Variants in COL3A1 observed in about 807,000 individuals in gnomAD.
COL3A1 encodes the protein collagen alpha-1(III) chain.
Under a neutral mutation model 200.9 loss-of-function variants are expected in COL3A1, and 46 were observed. That is an observed-to-expected ratio of 0.23 (90% CI 0.18 to 0.29). COL3A1 has a LOEUF of 0.29. Among genes scored for constraint, COL3A1 ranks in the 10% least tolerant of loss-of-function variants. The probability of loss-of-function intolerance (pLI) is 1.00; values close to 1 mark genes in which losing one functional copy is unlikely to be tolerated. For synonymous variants in COL3A1, 650 were observed against 628.0 expected, an observed-to-expected ratio of 1.03 and a Z score of -0.52; for missense variants, 1,367 against 1,917.6, an observed-to-expected ratio of 0.71 and a Z score of 5.36.
At chr2:188,995,922 C>A (rs1016790319) in intron 22 of COL3A1, 132 bp downstream of exon 22, 19 of 984,372 alleles carry the variant, frequency 1.9e-5, no homozygotes, top group East Asian at 5.2e-5. Flanking sequence ...AAACAAAATT[C>A]TTTTAAGTAA....
At chr2:188,975,611 T>C (rs1687792320) in intron 1 of COL3A1, among the ~76,000 whole-genome samples, 1 of 152,186 alleles carries the variant, frequency 6.6e-6, no homozygotes, top group South Asian at 2.1e-4. Context: ...CAAAGGACAC[T>C]GCATGAAAAT....
At chr2:188,992,136 C>G in intron 13 of COL3A1, 48 bp from the exon 14 acceptor site, 1 of 1,592,284 alleles carries the variant, frequency 6.3e-7, no homozygotes, top group Non-Finnish European at 8.6e-7. Context: ...TACTCATGAC[C>G]AGCCATTCAG....
intron 35 of COL3A1, among the ~76,000 whole-genome samples, chr2:189,002,671 C>G (rs751586640): frequency 9.2e-5 from 14 of 152,084 alleles, no homozygotes; most frequent in Non-Finnish European, 2.1e-4. Flanking sequence ...CGGTCTTTCT[C>G]AAAAAAATTT....
rs1273998782 is a variant in COL3A1 at position 189,003,717 on chromosome 2, A to G, written c.2608-17A>G. 2 of 1,613,866 alleles carry G rather than the reference A, an allele frequency of 1.2e-6. No homozygotes were observed. Among genetic ancestry groups the G allele is most frequent in the East Asian group, 2.2e-5 (1 of 44,870 alleles). On this transcript the variant is annotated splice_polypyrimidine_tract_variant and intron_variant, in intron 37 of 50. Transcript: ENST00000304636. ...TGTTCTACTTTTGAAATTCAAAAAT[A>G]TATTACCATTTCACAGGGTGCTGCT...
At chr2:188,982,435 G>T (rs774516264) in intron 1 of COL3A1, among the ~76,000 whole-genome samples, 3 of 151,730 alleles carry the variant, frequency 2.0e-5, no homozygotes, top group Non-Finnish European at 4.4e-5. Context: ...ATAGGAGGAT[G>T]AATACACAGG....
In COL3A1 at chr2:188,996,508, C is replaced by A; in HGVS notation, c.1761+12C>A. ...CTAAAGGAAATGATGTGAGTTCCTT[C>A]ATTAATTTCTTCAATAAATATTTGA... On this transcript the variant is annotated intron_variant, in intron 24 of 50. Coordinates refer to ENST00000304636, the MANE Select transcript of COL3A1 (RefSeq NM_000090.4). 1.2e-6 allele frequency: 2 copies of A among 1,601,120 alleles called. No individual in the cohort carries two copies. Among genetic ancestry groups the A allele is most frequent in the Non-Finnish European group, 1.7e-6 (2 of 1,168,716 alleles).
At position 188,994,320 on chromosome 2, in the gene COL3A1, G is replaced by T. The variant is rs750476636; in HGVS notation, c.1281G>T (p.Leu427=). ...CCGGTGCTAATGGTGCTCCTGGACT[G>T]CGAGGTGGTGCAGTAAGTTGCCTTG... ...GPAGANGAPG[L]RGGAGEPGKN... Residue 427 remains leucine, a synonymous_variant, in exon 18 of 51, where the codon CTG becomes CTT. Coordinates refer to ENST00000304636, the MANE Select transcript of COL3A1 (RefSeq NM_000090.4). This position sits in a 1 kb window ranked among gnomAD's most constrained non-coding sequence, Gnocchi z 4.5. The T allele has an allele frequency of 6.2e-7, 1 of 1,613,644 alleles. No homozygotes were observed. The highest frequency in any genetic ancestry group is 1.1e-5 in the South Asian group (1 of 91,048).
intron 46 of COL3A1, 45 bp downstream of exon 46, chr2:189,007,983 T>C (rs1688633110): frequency 1.2e-6 from 2 of 1,614,062 alleles, no homozygotes; most frequent in East Asian, 4.5e-5. Flanking sequence ...GTTTCAGATG[T>C]CTGCATTTCA....
Position 188,985,018 on chromosome 2 carries a change from G to T in COL3A1, c.282+56G>T. The T allele has an allele frequency of 4.6e-6, 7 of 1,515,348 alleles. No homozygotes were observed. In the South Asian group the frequency reaches 6.8e-5, roughly 15 times the overall value. The allele number at this position is 1,515,348 out of a possible 1,614,324, so 93.9% of individuals were successfully genotyped here. A position where few individuals can be genotyped will look rare whatever the true frequency, so the allele number is the denominator to read the frequency against. ...ATATTCATATTTAGACACATGAATA[G>T]CTCCTATATCATAGGAGCCTAAAAG... is the stretch of plus-strand genomic sequence containing the variant. On this transcript the variant is annotated intron_variant, in intron 2 of 50. Transcript: ENST00000304636.
chr2:189,008,713 A>C (rs560420528), intron 47 of COL3A1: 25 of 612,470 alleles, frequency 4.1e-5, no homozygotes, highest in South Asian at 3.2e-4. Context: ...ATTCTTACAT[A>C]GTGGAACAAT....
rs369483870 is a variant in COL3A1 at position 188,992,869 on chromosome 2, T to G, written c.997-18T>G. The G allele has an allele frequency of 1.9e-6, 3 of 1,612,692 alleles. No homozygotes were observed. In the Middle Eastern group the frequency reaches 5.0e-4, roughly 266 times the overall value. On this transcript the variant is annotated intron_variant, in intron 14 of 50. Transcript: ENST00000304636. Reference sequence around the variant, plus strand: ...TTAGTTGAAAAAGAGCTCTTGAAATTGTATTTAATTTTTTCAGGGCCCTCC... The same window carrying G: ...TTAGTTGAAAAAGAGCTCTTGAAATGGTATTTAATTTTTTCAGGGCCCTCC...
At chr2:188,983,541 G>A (rs1321361775) in intron 1 of COL3A1, among the ~76,000 whole-genome samples, 1 of 151,834 alleles carries the variant, frequency 6.6e-6, no homozygotes, top group African/African-American at 2.4e-5. Flanking sequence ...ACGGGACCTC[G>A]AAAAGGTGAT....
chr2:189,011,927 A>G lies in COL3A1; in HGVS notation c.*153A>G. 4 of 805,380 alleles carry G rather than the reference A, an allele frequency of 5.0e-6. No individual in the cohort carries two copies. Among genetic ancestry groups the G allele is most frequent in the Non-Finnish European group, 7.9e-6 (4 of 508,386 alleles). The allele number at this position is 805,380 out of a possible 1,614,324, so 49.9% of individuals were successfully genotyped here. ...CAGTATAATTTGACAAAGAAAAATG[A>G]TACTTCTCTTTTTTTGCTGTTCCAC... On this transcript the variant is annotated 3_prime_UTR_variant, in exon 51 of 51. Coordinates refer to ENST00000304636, the MANE Select transcript of COL3A1 (RefSeq NM_000090.4).
chr2:188,988,044 T>G (rs775673845), intron 5 of COL3A1, 37 bp from the exon 6 acceptor site: 2 of 1,495,782 alleles, frequency 1.3e-6, no homozygotes, highest in Non-Finnish European at 1.9e-6. Flanking sequence ...TATTTTGCAT[T>G]CATTTATTTT....
At chr2:188,987,663 A>G (rs1688092089) in intron 5 of COL3A1, among the ~76,000 whole-genome samples, 1 of 152,098 alleles carries the variant, frequency 6.6e-6, no homozygotes, top group Non-Finnish European at 1.5e-5. Flanking sequence ...TTACATTATT[A>G]TTTTAGATAC....
intron 37 of COL3A1, 22 bp from the exon 38 acceptor site, chr2:189,003,712 A>G (rs1223887404): frequency 1.2e-6 from 2 of 1,613,802 alleles, no homozygotes; most frequent in Non-Finnish European, 8.5e-7. Context: ...TTGAAATTCA[A>G]AAATATATTA....
intron 44 of COL3A1, 150 bp downstream of exon 44, chr2:189,007,140 TTTG>T (rs1688609214): frequency 5.6e-6 from 1 of 178,374 alleles, no homozygotes; most frequent in African/African-American, 3.0e-5. Flanking sequence ...TATATATATA[TTTG>T]TTCTATCTAT....
At chr2:188,998,799 C>CA in intron 29 of COL3A1, 81 bp downstream of exon 29, 1 of 1,243,254 alleles carries the variant, frequency 8.0e-7, no homozygotes, top group Non-Finnish European at 1.2e-6. Context: ...TATATCAAGC[C>CA]AAAATACTCT....
At chr2:188,995,243 G>C (rs1413351250) in intron 21 of COL3A1, 144 bp downstream of exon 21, 1 of 774,588 alleles carries the variant, frequency 1.3e-6, no homozygotes, top group African/African-American at 1.8e-5. Context: ...TGCATCCTCT[G>C]TTCAACAACT....
Sources: allele counts gnomAD v4.1 joint callset (sites outside exome capture counted in the v4.1 genomes callset), GRCh38; gene constraint gnomAD v4.1.1; non-coding constraint Gnocchi (gnomAD v3.1); transcripts MANE v1.5; gene names NCBI Gene and HGNC (gene_info 2026-07-23, HGNC 2026-07-21).